Variants in TRAF6 observed in about 807,000 individuals in gnomAD.
The protein encoded by TRAF6 is TNF receptor-associated factor 6.
A neutral mutation model predicts 48.4 loss-of-function variants in TRAF6; 10 were observed. The observed-to-expected ratio is 0.21, with a 90% CI of 0.13 to 0.35. TRAF6 has a LOEUF of 0.35. Among genes scored for constraint, TRAF6 ranks in the 10% least tolerant of loss-of-function variants. The pLI, the probability that TRAF6 is intolerant of heterozygous loss-of-function variation, is 1.00. For synonymous variants in TRAF6, 186 were observed against 219.6 expected, an observed-to-expected ratio of 0.85 and a Z score of 1.35; for missense variants, 397 against 661.0, an observed-to-expected ratio of 0.60 and a Z score of 4.38.
intron 1 of TRAF6, among the ~76,000 whole-genome samples, chr11:36,504,483 T>G (rs906296540): frequency 6.6e-6 from 1 of 152,206 alleles, no homozygotes; most frequent in African/African-American, 2.4e-5. Flanking sequence ...AGAAATTCAG[T>G]CATATCTTCA....
At chr11:36,509,536 T>G (rs1859870782) in intron 1 of TRAF6, among the ~76,000 whole-genome samples, 1 of 152,156 alleles carries the variant, frequency 6.6e-6, no homozygotes, top group Non-Finnish European at 1.5e-5. Flanking sequence ...CGTAAAGGAT[T>G]TTTTAAAAAT....
intron 2 of TRAF6, 82 bp downstream of exon 2, chr11:36,501,138 T>C: frequency 7.5e-7 from 1 of 1,333,130 alleles, no homozygotes; most frequent in South Asian, 1.7e-5. Flanking sequence ...AGACTACTTT[T>C]GGGATGTTCC....
At chr11:36,506,574 T>C (rs948018161) in intron 1 of TRAF6, among the ~76,000 whole-genome samples, 6 of 152,170 alleles carry the variant, frequency 3.9e-5, no homozygotes, top group African/African-American at 1.4e-4. Context: ...AAATATAGTT[T>C]ATTGGATAGT....
intron 2 of TRAF6, among the ~76,000 whole-genome samples, chr11:36,500,986 A>G (rs1859707973): frequency 6.6e-6 from 1 of 152,130 alleles, no homozygotes; most frequent in Admixed American, 6.5e-5. Context: ...AAAAGTAGCA[A>G]ATTATTTACT....
chr11:36,501,108 T>C (rs1175181072), intron 2 of TRAF6, 112 bp downstream of exon 2: 1 of 1,067,090 alleles, frequency 9.4e-7, no homozygotes, highest in East Asian at 2.7e-5. Flanking sequence ...TCTTTTTTCC[T>C]AAGTAGCTTT....
rs762037589 is a variant in TRAF6, at chr11:36,485,063, T to C, written c.*4775A>G. ...AATATTTTGTTTAGAGAAACCAAAC[T>C]TGAAGTCTCATTAAAAGTAACATCT... On this transcript the variant is annotated 3_prime_UTR_variant, in exon 7 of 7. Coordinates refer to ENST00000526995, the MANE Select transcript of TRAF6 (RefSeq NM_004620.4). Among the ~76,000 whole-genome samples, 2 of 152,150 alleles carry C rather than the reference T, an allele frequency of 1.3e-5. No individual in the cohort carries two copies. Among genetic ancestry groups the C allele is most frequent in the African/African-American group, 2.4e-5 (1 of 41,410 alleles).
intron 2 of TRAF6, 47 bp downstream of exon 2, chr11:36,501,173 G>A (rs1339672782): frequency 1.4e-6 from 2 of 1,475,610 alleles, no homozygotes; most frequent in East Asian, 4.9e-5. Context: ...AATGTTCTCT[G>A]CATCTGGTTC....
chr11:36,494,015 C>T (rs1260531082), intron 5 of TRAF6, among the ~76,000 whole-genome samples: 6 of 151,984 alleles, frequency 3.9e-5, no homozygotes, highest in Admixed American at 3.9e-4. Context: ...GGGTAAACTC[C>T]CCAAATGTCA....
chr11:36,489,787 G>A lies in TRAF6; in HGVS notation c.*51C>T. On this transcript the variant is annotated 3_prime_UTR_variant, in exon 7 of 7. Transcript: ENST00000526995. ...TTGCATGTTATTGAGAACAGGGCAA[G>A]GAAAGGCACTGTTTTCTCCAGGTAG... 6.5e-7 allele frequency: 1 copy of A among 1,547,196 alleles called. No individual in the cohort carries two copies. The highest frequency in any genetic ancestry group is 8.8e-7 in the Non-Finnish European group (1 of 1,138,924).
chr11:36,499,873 T>C (rs1284404899), intron 2 of TRAF6, among the ~76,000 whole-genome samples: 1 of 152,234 alleles, frequency 6.6e-6, no homozygotes, highest in Non-Finnish European at 1.5e-5. Context: ...TGGCTATTTA[T>C]TGAAGAACAT....
At position 36,489,641 on chromosome 11, in the gene TRAF6, T is replaced by C; in HGVS notation, c.*197A>G. On this transcript the variant is annotated 3_prime_UTR_variant, in exon 7 of 7. Coordinates refer to ENST00000526995, the MANE Select transcript of TRAF6 (RefSeq NM_004620.4). ...CAGGCCTAACATTTCTGAAAAAGCATGGAACGTGTGGATTCCCAGGAAAAA... is the reference window on the plus strand; with the variant it reads ...CAGGCCTAACATTTCTGAAAAAGCACGGAACGTGTGGATTCCCAGGAAAAA... The C allele has an allele frequency of 1.6e-6, 1 of 631,850 alleles. No homozygotes were observed. The highest frequency in any genetic ancestry group is 2.2e-5 in the South Asian group (1 of 45,706). 39.1% of individuals were successfully genotyped at this position (631,850 alleles called of 1,614,324 possible). A position where few individuals can be genotyped will look rare whatever the true frequency, so the allele number is the denominator to read the frequency against.
chr11:36,485,427 A>G lies in TRAF6; in HGVS notation c.*4411T>C, dbSNP rs554054750. On this transcript the variant is annotated 3_prime_UTR_variant, in exon 7 of 7. Coordinates refer to ENST00000526995, the MANE Select transcript of TRAF6 (RefSeq NM_004620.4). ...TACCTTCTCCTGGGGACTTGCATAGAAGAGAACTATGGTCACTGCTGCTTG... is the reference window on the plus strand; with the variant it reads ...TACCTTCTCCTGGGGACTTGCATAGGAGAGAACTATGGTCACTGCTGCTTG... 3.3e-5 allele frequency among the ~76,000 whole-genome samples: 5 copies of G among 152,244 alleles called. No homozygotes were observed. The East Asian group carries it at 9.7e-4, about 29-fold the overall frequency.
intron 1 of TRAF6, 54 bp from the exon 2 acceptor site, chr11:36,501,591 C>A: frequency 7.8e-7 from 1 of 1,278,992 alleles, no homozygotes; most frequent in Admixed American, 2.5e-5. Context: ...ACACTCACAC[C>A]CCACACATAT....
chr11:36,488,090 AG>A lies in TRAF6; in HGVS notation c.*1747del, dbSNP rs1306214128. Reference sequence around the variant, plus strand: ...TATTTATTCATTGTAAAATAATCACAGGAACAGCAGCAGTGTAGGTTTCCCT... The same window carrying A: ...TATTTATTCATTGTAAAATAATCACAGAACAGCAGCAGTGTAGGTTTCCCT... On this transcript the variant is annotated 3_prime_UTR_variant, in exon 7 of 7. Coordinates refer to ENST00000526995, the MANE Select transcript of TRAF6 (RefSeq NM_004620.4). 2 of 152,192 alleles carry A rather than the reference AG, an allele frequency of 1.3e-5. No homozygotes were observed. Among genetic ancestry groups the A allele is most frequent in the Admixed American group, 6.5e-5 (1 of 15,276 alleles). 9.4% of individuals were successfully genotyped at this position (152,192 alleles called of 1,614,324 possible).
intron 1 of TRAF6, among the ~76,000 whole-genome samples, chr11:36,507,713 A>G (rs1057144423): frequency 8.3e-6 from 1 of 120,070 alleles, no homozygotes; most frequent in African/African-American, 3.1e-5. Context: ...ATGTATACAT[A>G]CACGCGCGTG....
intron 4 of TRAF6, among the ~76,000 whole-genome samples, chr11:36,496,184 G>T (rs534178679): frequency 9.9e-5 from 15 of 152,170 alleles, no homozygotes; most frequent in Non-Finnish European, 2.1e-4. Flanking sequence ...TTTTTTATTG[G>T]CAATATTAAT....
chr11:36,486,459 T>G lies in TRAF6; in HGVS notation c.*3379A>C, dbSNP rs1859485162. Among the ~76,000 whole-genome samples the G allele has an allele frequency of 6.6e-6, 1 of 152,158 alleles. No individual in the cohort carries two copies. The highest frequency in any genetic ancestry group is 2.4e-5 in the African/African-American group (1 of 41,396). ...GCATTCTAACTGTATACATAATTCATAAGCATGCTTAGTTTATCTAAGACT... is the reference window on the plus strand; with the variant it reads ...GCATTCTAACTGTATACATAATTCAGAAGCATGCTTAGTTTATCTAAGACT... On this transcript the variant is annotated 3_prime_UTR_variant, in exon 7 of 7. Coordinates refer to ENST00000526995, the MANE Select transcript of TRAF6 (RefSeq NM_004620.4).
intron 4 of TRAF6, among the ~76,000 whole-genome samples, chr11:36,496,892 TG>T (rs5030501): frequency 0.013 from 2,013 of 152,336 alleles, 31 homozygotes; most frequent in East Asian, 0.069. Context: ...CTAGTATAAA[TG>T]TTTTTTTAAG....
chr11:36,500,058 A>G (rs1339884612), intron 2 of TRAF6, among the ~76,000 whole-genome samples: 1 of 152,252 alleles, frequency 6.6e-6, no homozygotes, highest in East Asian at 1.9e-4. Flanking sequence ...TGGGTCAGGC[A>G]CTATTTCCAG....
Sources: allele counts gnomAD v4.1 joint callset (sites outside exome capture counted in the v4.1 genomes callset), GRCh38; gene constraint gnomAD v4.1.1; transcripts MANE v1.5; gene names NCBI Gene and HGNC (gene_info 2026-07-23, HGNC 2026-07-21).